The following FAM193A variants were observed in gnomAD, a reference collection of about 807,000 sequenced individuals.
The protein encoded by FAM193A is family with sequence similarity 193 member A, also known as protein FAM193A.
FAM193A carries 22 observed loss-of-function variants against 126.5 expected under a neutral mutation model. The ratio of observed to expected loss-of-function variants is 0.17; its 90% CI spans 0.12 to 0.25. The LOEUF (loss-of-function observed/expected upper bound fraction) is 0.25. Ranked by LOEUF, FAM193A falls within the 10% of genes least tolerant of loss-of-function variation. FAM193A has a pLI of 1.00. For synonymous variants in FAM193A, 761 were observed against 646.8 expected, an observed-to-expected ratio of 1.18 and a Z score of -2.68; for missense variants, 1,675 against 1,672.8, an observed-to-expected ratio of 1.00 and a Z score of -0.02.
intron 7 of FAM193A, among the ~76,000 whole-genome samples, chr4:2,650,222 C>T (rs1745529346): frequency 6.6e-6 from 1 of 152,200 alleles, no homozygotes; most frequent in Non-Finnish European, 1.5e-5. Flanking sequence ...CCCCTTGCCT[C>T]ACCTGGTCTG....
chr4:2,621,442 G>A (rs1034988883), intron 2 of FAM193A, among the ~76,000 whole-genome samples: 3 of 152,188 alleles, frequency 2.0e-5, no homozygotes, highest in Admixed American at 6.5e-5. Context: ...AGGGTACGAG[G>A]CAAAGGGAGC....
intron 19 of FAM193A, among the ~76,000 whole-genome samples, chr4:2,707,734 G>T (rs1294328953): frequency 7.0e-6 from 1 of 143,360 alleles, no homozygotes; most frequent in African/African-American, 2.6e-5. Context: ...TTTTTTTGAG[G>T]CAGAGTCTCA....
At chr4:2,550,784 T>G (rs1197736031) in intron 1 of FAM193A, among the ~76,000 whole-genome samples, 5,556 of 29,876 alleles carry the variant, frequency 0.19, 136 homozygotes, top group Non-Finnish European at 0.21. Context: ...TATTTATTTA[T>G]TTATTTATTT....
At chr4:2,629,085 C>T (rs1028860767) in intron 4 of FAM193A, among the ~76,000 whole-genome samples, 3 of 152,032 alleles carry the variant, frequency 2.0e-5, no homozygotes, top group Admixed American at 1.3e-4. Context: ...ATCTCGCCTC[C>T]CAAAGTGCTG....
At chr4:2,567,851 C>A (rs990595806) in intron 1 of FAM193A, among the ~76,000 whole-genome samples, 3 of 152,172 alleles carry the variant, frequency 2.0e-5, no homozygotes, top group Non-Finnish European at 4.4e-5. Context: ...ACAGGGACTT[C>A]TTGGGCACCT....
At chr4:2,598,879 C>G (rs1046418329) in intron 2 of FAM193A, among the ~76,000 whole-genome samples, 4 of 152,206 alleles carry the variant, frequency 2.6e-5, no homozygotes, top group African/African-American at 9.6e-5. Flanking sequence ...CTCAGTTCCC[C>G]CCTCTAGCCT....
intron 1 of FAM193A, among the ~76,000 whole-genome samples, chr4:2,562,707 G>T (rs1406760637): frequency 6.6e-6 from 1 of 150,516 alleles, no homozygotes; most frequent in African/African-American, 2.5e-5. Flanking sequence ...TTGGCTCACC[G>T]CAACCTCCGC....
At position 2,664,558 on chromosome 4, in the gene FAM193A, C is replaced by CTTTTTTTTTTTTTTT. The variant is rs33958851; in HGVS notation, c.2079+1282_2079+1296dup. Among the ~76,000 whole-genome samples the CTTTTTTTTTTTTTTT allele has an allele frequency of 8.3e-4, 61 of 73,098 alleles. 2 individuals carry two copies. The highest frequency in any genetic ancestry group is 1.1e-3 in the Non-Finnish European group (41 of 38,276). The allele number at this position is 73,098 out of a possible 152,430, so 48.0% of individuals were successfully genotyped here. A position where few individuals can be genotyped will look rare whatever the true frequency, so the allele number is the denominator to read the frequency against. Reference sequence around the variant, plus strand: ...ACCTTTCTCTCTCTCTATTTTCTTTCTTTTTTTTTTTTTTTTTTTTTTTTT... The same window carrying CTTTTTTTTTTTTTTT: ...ACCTTTCTCTCTCTCTATTTTCTTTCTTTTTTTTTTTTTTTTTTTTTTTTTTTTTTTTTTTTTTTT... On this transcript the variant is annotated intron_variant, in intron 12 of 20. Coordinates refer to ENST00000637812, the MANE Select transcript of FAM193A (RefSeq NM_001366318.2).
intron 1 of FAM193A, among the ~76,000 whole-genome samples, chr4:2,538,333 C>G (rs1181226162): frequency 6.6e-6 from 1 of 151,946 alleles, no homozygotes; most frequent in Non-Finnish European, 1.5e-5. Flanking sequence ...TCTCGAGTAG[C>G]TGGGACTACA....
At chr4:2,681,709 C>G (rs147738006) in intron 13 of FAM193A, among the ~76,000 whole-genome samples, 4,739 of 152,290 alleles carry the variant, frequency 0.031, 226 homozygotes, top group African/African-American at 0.11. Context: ...AGCAGTCCTC[C>G]TGCCTCAGCC....
chr4:2,545,657 A>G (rs1737500131), intron 1 of FAM193A, among the ~76,000 whole-genome samples: 1 of 152,104 alleles, frequency 6.6e-6, no homozygotes, highest in Non-Finnish European at 1.5e-5. Context: ...AATTTTTAGA[A>G]ATTAACATGT....
chr4:2,705,307 A>G (rs1247420400), intron 19 of FAM193A, among the ~76,000 whole-genome samples: 2 of 152,204 alleles, frequency 1.3e-5, no homozygotes, highest in Non-Finnish European at 2.9e-5. Flanking sequence ...GACTTTGTGT[A>G]TGCTTTTCAG....
intron 19 of FAM193A, among the ~76,000 whole-genome samples, chr4:2,706,083 C>G (rs1036389717): frequency 6.6e-6 from 1 of 152,012 alleles, no homozygotes; most frequent in Non-Finnish European, 1.5e-5. Flanking sequence ...TGGTGCACAC[C>G]AGTAGTCTCA....
chr4:2,616,684 C>A (rs1333643849), intron 2 of FAM193A, among the ~76,000 whole-genome samples: 3 of 151,876 alleles, frequency 2.0e-5, no homozygotes. Flanking sequence ...CTCAGCCTCC[C>A]AAGTAGCTGG....
chr4:2,727,334 A>C (rs1167479088), intron 20 of FAM193A, among the ~76,000 whole-genome samples: 2 of 152,100 alleles, frequency 1.3e-5, no homozygotes, highest in Non-Finnish European at 2.9e-5. Flanking sequence ...GGCCCTCAAG[A>C]GATTTGGAAG....
At chr4:2,545,069 T>C (rs866426845) in intron 1 of FAM193A, among the ~76,000 whole-genome samples, 4 of 152,074 alleles carry the variant, frequency 2.6e-5, no homozygotes, top group Admixed American at 1.3e-4. Context: ...CTCGGCTCAC[T>C]GCAACCTCTG....
chr4:2,633,241 T>C (rs1463352104), intron 5 of FAM193A, among the ~76,000 whole-genome samples: 3 of 151,220 alleles, frequency 2.0e-5, no homozygotes, highest in African/African-American at 7.3e-5. Context: ...CTACTAAAAA[T>C]AACAAAAATT....
chr4:2,712,685 A>T (rs1719108410), intron 19 of FAM193A, among the ~76,000 whole-genome samples: 1 of 152,212 alleles, frequency 6.6e-6, no homozygotes, highest in Admixed American at 6.5e-5. Context: ...ACACTTAGTG[A>T]TATAACTATG....
At chr4:2,662,733 A>G (rs1265621301) in intron 10 of FAM193A, 105 bp from the exon 11 acceptor site, 4 of 796,816 alleles carry the variant, frequency 5.0e-6, no homozygotes, top group Non-Finnish European at 8.0e-6. Flanking sequence ...CTCTTTGTAA[A>G]TGAAAGCCGT....
Sources: allele counts gnomAD v4.1 joint callset (sites outside exome capture counted in the v4.1 genomes callset), GRCh38; gene constraint gnomAD v4.1.1; transcripts MANE v1.5; gene names NCBI Gene and HGNC (gene_info 2026-07-23, HGNC 2026-07-21).